The following NHERF1 variants were observed in gnomAD, a reference collection of about 807,000 sequenced individuals.
The protein encoded by NHERF1 is Na(+)/H(+) exchange regulatory cofactor NHE-RF1.
At chr17:74,763,402 G>C in the NHERF1 span, 3 of 1,614,168 alleles carry the variant, frequency 1.9e-6, no homozygotes, top group Non-Finnish European at 2.5e-6. Context: ...AGCAGCATGG[G>C]GACGTGGTGT....
chr17:74,762,651 G>C, the NHERF1 span, among the ~76,000 whole-genome samples: 1 of 151,990 alleles, frequency 6.6e-6, no homozygotes, highest in South Asian at 2.1e-4. This position sits in a 1 kb window ranked among gnomAD's most constrained non-coding sequence, Gnocchi z 4.2. Flanking sequence ...TCCGCCTCCT[G>C]GGTTCAAGCG....
the NHERF1 span, chr17:74,769,283 C>T: frequency 6.6e-6 from 1 of 152,390 alleles, no homozygotes; most frequent in African/African-American, 2.4e-5. Flanking sequence ...TTTGGCTACC[C>T]CTGCCCATCC....
the NHERF1 span, among the ~76,000 whole-genome samples, chr17:74,758,280 C>T: frequency 2.6e-5 from 4 of 152,194 alleles, no homozygotes; most frequent in East Asian, 1.9e-4. The surrounding 1 kb of genome is among the most constrained non-coding windows in gnomAD (Gnocchi z 4.3). Flanking sequence ...CCACTTAGGG[C>T]GCGGTGAAGC....
At chr17:74,761,138 G>T in the NHERF1 span, among the ~76,000 whole-genome samples, 2 of 152,222 alleles carry the variant, frequency 1.3e-5, no homozygotes, top group Non-Finnish European at 2.9e-5. This position sits in a 1 kb window ranked among gnomAD's most constrained non-coding sequence, Gnocchi z 4.3. Context: ...ACTGTTTTCA[G>T]CTGAGTCCAA....
At chr17:74,762,162 C>T in the NHERF1 span, 3 of 1,613,974 alleles carry the variant, frequency 1.9e-6, no homozygotes, top group African/African-American at 1.3e-5. The surrounding 1 kb of genome is among the most constrained non-coding windows in gnomAD (Gnocchi z 4.2). Flanking sequence ...GGCCCAGGAT[C>T]GCATTGTGGA....
At chr17:74,750,592 G>A in the NHERF1 span, among the ~76,000 whole-genome samples, 1 of 152,226 alleles carries the variant, frequency 6.6e-6, no homozygotes, top group African/African-American at 2.4e-5. Context: ...GCATTGGCAA[G>A]GGGAGGGGGA....
At chr17:74,757,923 C>G in the NHERF1 span, among the ~76,000 whole-genome samples, 1 of 152,192 alleles carries the variant, frequency 6.6e-6, no homozygotes, top group African/African-American at 2.4e-5. Flanking sequence ...CTCTGTTGTT[C>G]CCCTGGACAC....
chr17:74,769,321 AAC>A, the NHERF1 span: 3 of 152,284 alleles, frequency 2.0e-5, no homozygotes, highest in Non-Finnish European at 4.4e-5. Flanking sequence ...ATTGTAAGGA[AAC>A]ACTTTCAGAA....
the NHERF1 span, chr17:74,768,323 T>G: frequency 7.3e-7 from 1 of 1,372,168 alleles, no homozygotes. Context: ...AGCCTGCCTT[T>G]GAGGTCACAT....
the NHERF1 span, among the ~76,000 whole-genome samples, chr17:74,759,044 G>A: frequency 3.9e-5 from 6 of 152,218 alleles, no homozygotes; most frequent in Non-Finnish European, 8.8e-5. Flanking sequence ...GAGGAACAAG[G>A]CTGGTCTCCC....
the NHERF1 span, chr17:74,768,976 G>T: frequency 2.4e-6 from 1 of 411,840 alleles, no homozygotes; most frequent in Non-Finnish European, 4.5e-6. Flanking sequence ...CCAGGCGAGA[G>T]GGCACCCTCC....
the NHERF1 span, among the ~76,000 whole-genome samples, chr17:74,756,005 G>A: frequency 6.7e-6 from 1 of 149,504 alleles, no homozygotes. Flanking sequence ...CCAGGCTGGA[G>A]TGCAGTGGTG....
At chr17:74,750,672 C>T in the NHERF1 span, among the ~76,000 whole-genome samples, 1 of 150,970 alleles carries the variant, frequency 6.6e-6, no homozygotes, top group South Asian at 2.1e-4. Context: ...CAGTCCCAGG[C>T]AGAAATCCAG....
chr17:74,764,120 G>A, the NHERF1 span, among the ~76,000 whole-genome samples: 1 of 152,240 alleles, frequency 6.6e-6, no homozygotes, highest in Non-Finnish European at 1.5e-5. This position sits in a 1 kb window ranked among gnomAD's most constrained non-coding sequence, Gnocchi z 4.9. Context: ...CTGCTGCACC[G>A]GGGCAGGGAG....
chr17:74,766,608 G>C, the NHERF1 span, among the ~76,000 whole-genome samples: 1 of 151,956 alleles, frequency 6.6e-6, no homozygotes, highest in Non-Finnish European at 1.5e-5. Flanking sequence ...ATCTTTGTGT[G>C]TGCTGAGTCA....
the NHERF1 span, chr17:74,748,739 G>A: frequency 9.6e-7 from 1 of 1,044,834 alleles, no homozygotes; most frequent in Non-Finnish European, 1.4e-6. This position sits in a 1 kb window ranked among gnomAD's most constrained non-coding sequence, Gnocchi z 4.3. Flanking sequence ...GGCGGCTCAG[G>A]GCTTCTCTGC....
At chr17:74,754,399 C>CTTTTTTTTTTTTT in the NHERF1 span, among the ~76,000 whole-genome samples, 1 of 59,684 alleles carries the variant, frequency 1.7e-5, no homozygotes, top group Non-Finnish European at 4.0e-5. Context: ...TTCTTTCTTT[C>CTTTTTTTTTTTTT]TTTTTTTTTT....
chr17:74,762,367 G>A, the NHERF1 span, among the ~76,000 whole-genome samples: 1 of 152,078 alleles, frequency 6.6e-6, no homozygotes, highest in Non-Finnish European at 1.5e-5. This position sits in a 1 kb window ranked among gnomAD's most constrained non-coding sequence, Gnocchi z 4.2. Context: ...CAGATGGACT[G>A]ACTGATGGAC....
chr17:74,763,858 C>T, the NHERF1 span, among the ~76,000 whole-genome samples: 3 of 152,238 alleles, frequency 2.0e-5, no homozygotes, highest in Admixed American at 6.5e-5. Context: ...ACTTTCAGGG[C>T]AGTGTCAATG....
Sources: gnomAD v4.1 joint callset for allele counts (sites outside exome capture counted in the v4.1 genomes callset) on GRCh38, gnomAD v4.1.1 for gene constraint, Gnocchi (gnomAD v3.1) non-coding constraint, MANE v1.5 for transcripts, NCBI Gene and HGNC (gene_info 2026-07-23, HGNC 2026-07-21) for gene names.